The following TRDN variants were observed in gnomAD, a reference collection of about 807,000 sequenced individuals.
TRDN encodes triadin in skeletal muscle.
Under a neutral mutation model 149.7 loss-of-function variants are expected in TRDN, and 161 were observed. That is an observed-to-expected ratio of 1.08 (90% CI 0.95 to 1.23). The LOEUF (loss-of-function observed/expected upper bound fraction) is 1.23, where lower values mean the gene tolerates loss of function less well. TRDN is among the 50% of genes most tolerant of loss of function. The probability of loss-of-function intolerance (pLI) is 0.00; values close to 1 mark genes in which losing one functional copy is unlikely to be tolerated. For missense variants in TRDN, 896 were observed against 823.5 expected, an observed-to-expected ratio of 1.09 and a Z score of -1.08; for synonymous variants, 294 against 250.5, an observed-to-expected ratio of 1.17 and a Z score of -1.64.
chr6:123,373,656 C>G (rs1781404657), intron 19 of TRDN, among the ~76,000 whole-genome samples: 1 of 152,144 alleles, frequency 6.6e-6, no homozygotes, highest in East Asian at 1.9e-4. Flanking sequence ...TTACTTTTTT[C>G]TTGGACTGAC....
intron 10 of TRDN, among the ~76,000 whole-genome samples, chr6:123,450,703 A>G (rs11154166): frequency 0.15 from 22,968 of 152,092 alleles, 2,250 homozygotes; most frequent in African/African-American, 0.28. Context: ...AAGACAGAAA[A>G]TCAACAAAGA....
Position 123,224,138 on chromosome 6 carries a change from T to C in TRDN, c.1976-7A>G. On this transcript the variant is annotated splice_polypyrimidine_tract_variant and splice_region_variant and intron_variant, in intron 38 of 40. Transcript: ENST00000334268. ...GGTACATCTTCAACATCTTCTAGAG[T>C]ACAGAAAAAAGGCACATAGAATCAC... The C allele has an allele frequency of 6.2e-7, 1 of 1,609,668 alleles. No homozygotes were observed. The highest frequency in any genetic ancestry group is 8.5e-7 in the Non-Finnish European group (1 of 1,177,444).
intron 8 of TRDN, chr6:123,502,257 TTTAC>T: frequency 1.0e-6 from 1 of 953,432 alleles, no homozygotes; most frequent in Non-Finnish European, 1.2e-6. Context: ...GTATTTTCTC[TTTAC>T]TTACTTCATC....
At chr6:123,360,042 G>A (rs547804861) in intron 20 of TRDN, among the ~76,000 whole-genome samples, 21 of 152,024 alleles carry the variant, frequency 1.4e-4, no homozygotes, top group African/African-American at 4.6e-4. Flanking sequence ...TTTAAGTTCC[G>A]GGGTACAAGT....
intron 24 of TRDN, among the ~76,000 whole-genome samples, chr6:123,312,841 A>T (rs1335335779): frequency 1.3e-5 from 2 of 151,806 alleles, no homozygotes; most frequent in East Asian, 3.9e-4. Context: ...CCCTGATTAC[A>T]CTCTTTGAGA....
intron 9 of TRDN, among the ~76,000 whole-genome samples, chr6:123,494,409 G>C (rs1778346941): frequency 6.6e-6 from 1 of 151,978 alleles, no homozygotes; most frequent in Admixed American, 6.6e-5. Context: ...AGCATCCCTC[G>C]CTGAATTTCT....
intron 1 of TRDN, among the ~76,000 whole-genome samples, chr6:123,630,487 T>C (rs1785931322): frequency 6.6e-6 from 1 of 152,038 alleles, no homozygotes; most frequent in Admixed American, 6.6e-5. Context: ...CTTAAGTCTC[T>C]ATGGATTCCT....
chr6:123,331,585 G>T (rs1194741274), intron 23 of TRDN, among the ~76,000 whole-genome samples: 1 of 151,828 alleles, frequency 6.6e-6, no homozygotes, highest in Non-Finnish European at 1.5e-5. Flanking sequence ...TCGCTCTTTG[G>T]ATATTTATAA....
At chr6:123,404,865 A>G (rs954432482) in intron 12 of TRDN, among the ~76,000 whole-genome samples, 15 of 152,206 alleles carry the variant, frequency 9.9e-5, no homozygotes, top group Non-Finnish European at 1.6e-4. Context: ...CTTCCCTAAA[A>G]GGGAATTTCA....
At chr6:123,221,545 G>A in intron 39 of TRDN, 23 bp from the exon 40 acceptor site, 8 of 1,505,406 alleles carry the variant, frequency 5.3e-6, no homozygotes, top group Admixed American at 1.8e-5. Flanking sequence ...AAATATAAAA[G>A]TAAATAACTT....
rs528643573 is a variant in TRDN at position 123,463,592 on chromosome 6, C to A, written c.931+1314G>T. On this transcript the variant is annotated intron_variant, in intron 10 of 40. Coordinates refer to ENST00000334268, the MANE Select transcript of TRDN (RefSeq NM_006073.4). The stretch of plus-strand genomic sequence containing the variant: ...TCGTTGCTTTATGTCCATCTGGAAA[C>A]AACAACAGAATTAGAATCCCATGAA... 5.9e-5 allele frequency among the ~76,000 whole-genome samples: 9 copies of A among 151,952 alleles called. No homozygotes were observed. In the East Asian group the frequency reaches 1.7e-3, roughly 29 times the overall value.
chr6:123,610,194 A>C (rs1209186176), intron 1 of TRDN, among the ~76,000 whole-genome samples: 1 of 152,212 alleles, frequency 6.6e-6, no homozygotes, highest in African/African-American at 2.4e-5. Flanking sequence ...GCCTCAGTAA[A>C]TGCCAGGGTA....
intron 20 of TRDN, among the ~76,000 whole-genome samples, chr6:123,355,327 A>G (rs1221249368): frequency 6.6e-6 from 1 of 151,626 alleles, no homozygotes; most frequent in Non-Finnish European, 1.5e-5. Flanking sequence ...TTTGTATTCT[A>G]TTTAAAAAGA....
At chr6:123,632,219 T>C (rs933514153) in intron 1 of TRDN, among the ~76,000 whole-genome samples, 2 of 152,082 alleles carry the variant, frequency 1.3e-5, no homozygotes, top group African/African-American at 4.8e-5. Context: ...GCCTACTGCC[T>C]ACTATGGTGT....
At chr6:123,424,864 C>A (rs1774048975) in intron 12 of TRDN, among the ~76,000 whole-genome samples, 1 of 152,086 alleles carries the variant, frequency 6.6e-6, no homozygotes, top group Non-Finnish European at 1.5e-5. Context: ...CATCCATCAA[C>A]CTGGGTGCCT....
rs138980219 is a variant in TRDN, at chr6:123,515,605, G to C, written c.550+536C>G. Among the ~76,000 whole-genome samples, 939 of 151,830 alleles carry C rather than the reference G, an allele frequency of 6.2e-3. 9 individuals are homozygous for C. Among genetic ancestry groups the C allele is most frequent in the African/African-American group, 0.021 (882 of 41,422 alleles). On this transcript the variant is annotated intron_variant, in intron 6 of 40. Coordinates refer to ENST00000334268, the MANE Select transcript of TRDN (RefSeq NM_006073.4). ...GAAAACATACAATAAAGCTCTGGAA[G>C]GATGCATGTAAAATTCACATGAGTG...
At chr6:123,384,907 C>T (rs1020159417) in intron 14 of TRDN, among the ~76,000 whole-genome samples, 1 of 152,048 alleles carries the variant, frequency 6.6e-6, no homozygotes, top group African/African-American at 2.4e-5. Context: ...TTCATTATGC[C>T]CTTTCAGCAT....
At chr6:123,371,852 A>T (rs1483497993) in intron 19 of TRDN, among the ~76,000 whole-genome samples, 1 of 152,094 alleles carries the variant, frequency 6.6e-6, no homozygotes, top group Non-Finnish European at 1.5e-5. Flanking sequence ...AAACCTCATA[A>T]AATCATCACT....
In TRDN at chr6:123,378,733, G is replaced by A. The variant is rs77612905; in HGVS notation, c.1187-835C>T. ...GAAATAGCTGTTAAGCTAAGACAAA[G>A]GCTTTGTGAGGCATATTTAAGACAC... On this transcript the variant is annotated intron_variant, in intron 16 of 40. Transcript: ENST00000334268. 3.0e-3 allele frequency among the ~76,000 whole-genome samples: 452 copies of A among 152,242 alleles called. 12 individuals are homozygous for A. In the East Asian group the frequency reaches 0.074, roughly 25 times the overall value.
Sources: gnomAD v4.1 joint callset for allele counts (sites outside exome capture counted in the v4.1 genomes callset) on GRCh38, gnomAD v4.1.1 for gene constraint, MANE v1.5 for transcripts, NCBI Gene and HGNC (gene_info 2026-07-23, HGNC 2026-07-21) for gene names.